The following PIGN variants were observed in gnomAD, a reference collection of about 807,000 sequenced individuals.
PIGN encodes phosphatidylinositol glycan anchor biosynthesis class N.
Under a neutral mutation model 125.4 loss-of-function variants are expected in PIGN, and 117 were observed. That is an observed-to-expected ratio of 0.93 (90% CI 0.80 to 1.09). The LOEUF (loss-of-function observed/expected upper bound fraction) is 1.09. Among genes scored for constraint, PIGN ranks in the 50% least tolerant of loss-of-function variants. The pLI is 0.00. For synonymous variants in PIGN, 392 were observed against 377.8 expected (o/e 1.04, Z -0.44); for missense variants, 1,075 against 1,094.9 (o/e 0.98, Z 0.26).
chr18:62,140,550 C>A, intron 11 of PIGN, 71 bp from the exon 12 acceptor site: 1 of 738,154 alleles, frequency 1.4e-6, no homozygotes. Flanking sequence ...TGTAATGCAA[C>A]CATATTTTGG....
chr18:62,034,516 C>T (rs2030232728), intron 23 of PIGN, among the ~76,000 whole-genome samples: 1 of 152,216 alleles, frequency 6.6e-6, no homozygotes, highest in Non-Finnish European at 1.5e-5. Context: ...CTGTACCCTG[C>T]AAAACCACAG....
chr18:62,039,472 A>AT (rs1337636303), downstream of PIGN, among the ~76,000 whole-genome samples: 7 of 151,502 alleles, frequency 4.6e-5, no homozygotes, highest in African/African-American at 1.7e-4. Context: ...GCCGCACCCC[A>AT]TGTTTAGGGC....
chr18:62,055,114 T>C (rs1236289773), intron 30 of PIGN, among the ~76,000 whole-genome samples: 2 of 152,230 alleles, frequency 1.3e-5, no homozygotes, highest in Non-Finnish European at 2.9e-5. Flanking sequence ...TGGCAGTTTC[T>C]TTTAAAACTC....
chr18:62,091,376 G>A (rs573899801), intron 23 of PIGN, among the ~76,000 whole-genome samples: 1 of 152,204 alleles, frequency 6.6e-6, no homozygotes, highest in African/African-American at 2.4e-5. Context: ...AGAATGTGAT[G>A]AAAAAGGAAC....
intron 11 of PIGN, among the ~76,000 whole-genome samples, chr18:62,142,373 G>C (rs1179106711): frequency 6.6e-6 from 1 of 152,228 alleles, no homozygotes; most frequent in Non-Finnish European, 1.5e-5. Flanking sequence ...TGCTGATTAT[G>C]ATCTGGTCTG....
chr18:62,053,572 T>C (rs2031488380), intron 30 of PIGN, among the ~76,000 whole-genome samples: 1 of 152,146 alleles, frequency 6.6e-6, no homozygotes, highest in Admixed American at 6.6e-5. Context: ...ACTTCAATTA[T>C]GGAGGAAACA....
intron 23 of PIGN, among the ~76,000 whole-genome samples, chr18:62,026,947 A>G (rs2030130867): frequency 6.6e-6 from 1 of 152,212 alleles, no homozygotes; most frequent in Non-Finnish European, 1.5e-5. Flanking sequence ...TCACGCCTGT[A>G]ATTCCAGCAC....
chr18:62,152,006 C>T (rs535002799), intron 7 of PIGN, among the ~76,000 whole-genome samples: 231 of 152,178 alleles, frequency 1.5e-3, no homozygotes, highest in Non-Finnish European at 2.5e-3. Flanking sequence ...TCAAGGTGGT[C>T]GGGGTGCAGC....
In PIGN at chr18:62,060,584, TTCTC is replaced by T. The variant is rs368533862; in HGVS notation, c.2672+12085_2672+12088del. Among the ~76,000 whole-genome samples the T allele has an allele frequency of 1.6e-3, 243 of 152,356 alleles. 1 individual carries two copies. Among genetic ancestry groups the T allele is most frequent in the African/African-American group, 5.5e-3 (227 of 41,580 alleles). ...AAACACTATTGAATAGAATCATGAG[TTCTC>T]TCTTTTTTTTGAGTTCTCATTATAT... is the stretch of plus-strand genomic sequence containing the variant. On this transcript the variant is annotated intron_variant, in intron 30 of 30. Transcript: ENST00000640252.
At chr18:62,108,498 G>A (rs2034741233) in intron 17 of PIGN, among the ~76,000 whole-genome samples, 1 of 152,032 alleles carries the variant, frequency 6.6e-6, no homozygotes, top group African/African-American at 2.4e-5. Flanking sequence ...CTTTCAAATG[G>A]AGAGGTAACA....
chr18:62,037,999 G>T (rs1169222759), downstream of PIGN, among the ~76,000 whole-genome samples: 1 of 152,184 alleles, frequency 6.6e-6, no homozygotes, highest in Non-Finnish European at 1.5e-5. Flanking sequence ...TTGGAGGAAT[G>T]AACATGTAAG....
intron 23 of PIGN, among the ~76,000 whole-genome samples, chr18:62,030,186 A>G (rs2030176144): frequency 6.6e-6 from 1 of 152,250 alleles, no homozygotes; most frequent in Non-Finnish European, 1.5e-5. Context: ...GTGAAATGCC[A>G]CTAGAAGGCT....
At chr18:62,089,782 T>C (rs1357697148) in intron 24 of PIGN, among the ~76,000 whole-genome samples, 1 of 152,164 alleles carries the variant, frequency 6.6e-6, no homozygotes, top group Non-Finnish European at 1.5e-5. Context: ...ACTATGAAAG[T>C]ATTTTCTGTA....
chr18:62,069,194 GA>G (rs1481044829), intron 30 of PIGN, among the ~76,000 whole-genome samples: 9 of 152,064 alleles, frequency 5.9e-5, no homozygotes, highest in African/African-American at 2.2e-4. Context: ...TTACTTTGAA[GA>G]AAAAACACGC....
At position 62,041,974 on chromosome 18, in the gene PIGN, A is replaced by C. The variant is rs554373932; in HGVS notation, c.*3882T>G. The C allele has an allele frequency of 7.2e-5, 11 of 152,306 alleles. No individual in the cohort carries two copies. The highest frequency in any genetic ancestry group is 2.4e-4 in the African/African-American group (10 of 41,558). 9.4% of individuals were successfully genotyped at this position (152,306 alleles called of 1,614,324 possible). A position where few individuals can be genotyped will look rare whatever the true frequency, so the allele number is the denominator to read the frequency against. ...TTAAATTCCCTTAGAACTAATGTAA[A>C]TATACCTATTTAAGGTGGTTTGACT... On this transcript the variant is annotated 3_prime_UTR_variant, in exon 31 of 31. Transcript: ENST00000640252.
At chr18:62,104,470 G>A (rs2034563293) in intron 20 of PIGN, among the ~76,000 whole-genome samples, 1 of 152,096 alleles carries the variant, frequency 6.6e-6, no homozygotes, top group African/African-American at 2.4e-5. Flanking sequence ...AATTCATTTT[G>A]TCATATACTA....
rs2030424298 is a variant in PIGN at position 62,042,720 on chromosome 18, G to A, written c.*3136C>T. The A allele has an allele frequency of 6.6e-6, 1 of 151,664 alleles. No individual in the cohort carries two copies. Among genetic ancestry groups the A allele is most frequent in the African/African-American group, 2.4e-5 (1 of 41,258 alleles). 9.4% of individuals were successfully genotyped at this position (151,664 alleles called of 1,614,324 possible). On this transcript the variant is annotated 3_prime_UTR_variant, in exon 31 of 31. Transcript: ENST00000640252. ...CAGTCAAAAAAAAATGCTGCTGCCT[G>A]GAAAACATAGTGAAACCCTGTCTCC...
In PIGN at chr18:62,072,711, C is replaced by T. The variant is rs1311403924; in HGVS notation, c.2634G>A (p.Leu878=). 3.8e-6 allele frequency: 6 copies of T among 1,560,002 alleles called. No individual in the cohort carries two copies. Among genetic ancestry groups the T allele is most frequent in the Non-Finnish European group, 5.2e-6 (6 of 1,157,912 alleles). ...SDIMALHFFF[L]VKDYGSWLDI... is the part of the protein sequence containing the mutation. ...CAAGCCAGCTGCCATAATCCTTGACCAAGAAGAAAAAATGCTGTAAAAAAA... is the reference window on the plus strand; with the variant it reads ...CAAGCCAGCTGCCATAATCCTTGACTAAGAAGAAAAAATGCTGTAAAAAAA... Residue 878 remains leucine, a synonymous_variant, in exon 30 of 31, where the codon TTG becomes TTA. Transcript: ENST00000640252.
intron 7 of PIGN, among the ~76,000 whole-genome samples, chr18:62,150,491 T>A (rs941894316): frequency 1.3e-5 from 2 of 152,144 alleles, no homozygotes; most frequent in African/African-American, 4.8e-5. Context: ...AGAAGATGCA[T>A]GAACTGAGTT....
Sources: gnomAD v4.1 joint callset for allele counts (sites outside exome capture counted in the v4.1 genomes callset) on GRCh38, gnomAD v4.1.1 for gene constraint, MANE v1.5 for transcripts, NCBI Gene and HGNC (gene_info 2026-07-23, HGNC 2026-07-21) for gene names.